The following CERS6 variants were observed in gnomAD, a reference collection of about 807,000 sequenced individuals.
CERS6 encodes ceramide synthase 6.
A neutral mutation model predicts 56.8 loss-of-function variants in CERS6; 26 were observed. The ratio of observed to expected loss-of-function variants is 0.46; its 90% CI spans 0.34 to 0.63. CERS6 has a LOEUF of 0.63. Among genes scored for constraint, CERS6 ranks in the 30% least tolerant of loss-of-function variants. CERS6 has a pLI of 0.01. For missense variants in CERS6, 415 were observed against 467.5 expected (o/e 0.89, Z 1.04); for synonymous variants, 164 against 173.3 (o/e 0.95, Z 0.42).
At chr2:168,739,601 G>A (rs950250831) in intron 8 of CERS6, among the ~76,000 whole-genome samples, 2 of 151,964 alleles carry the variant, frequency 1.3e-5, no homozygotes, top group South Asian at 2.1e-4. Flanking sequence ...GGAGTCTCCC[G>A]CGTTAAATTT....
At chr2:168,663,964 A>G (rs60269051) in intron 4 of CERS6, among the ~76,000 whole-genome samples, 62,721 of 151,522 alleles carry the variant, frequency 0.41, 13,982 homozygotes, top group Non-Finnish European at 0.51. Context: ...TCTCCCAGCA[A>G]CTATATAAAA....
In CERS6 at chr2:168,456,676, A is replaced by T. The variant is rs1453437982; in HGVS notation, c.170+58A>T. ...CCTGCGCACACACACGCGCGCACACACTCGCGCGCTCTCTGGCGCACGCCC... is the reference window on the plus strand; with the variant it reads ...CCTGCGCACACACACGCGCGCACACTCTCGCGCGCTCTCTGGCGCACGCCC... On this transcript the variant is annotated intron_variant, in intron 1 of 9. Transcript: ENST00000305747. The surrounding 1 kb of genome is among the most constrained non-coding windows in gnomAD (Gnocchi z 4.1). The T allele has an allele frequency of 6.6e-7, 1 of 1,514,670 alleles. No homozygotes were observed. The highest frequency in any genetic ancestry group is 9.0e-7 in the Non-Finnish European group (1 of 1,109,692). The allele number at this position is 1,514,670 out of a possible 1,614,324, so 93.8% of individuals were successfully genotyped here. A position where few individuals can be genotyped will look rare whatever the true frequency, so the allele number is the denominator to read the frequency against.
At chr2:168,599,378 G>T (rs1005232975) in intron 3 of CERS6, among the ~76,000 whole-genome samples, 7 of 152,152 alleles carry the variant, frequency 4.6e-5, no homozygotes, top group Non-Finnish European at 1.5e-5. Flanking sequence ...TCTTTTTGAA[G>T]AAGGGCAGTA....
chr2:168,637,575 GAT>G (rs1411275929), intron 4 of CERS6, among the ~76,000 whole-genome samples: 2 of 152,052 alleles, frequency 1.3e-5, no homozygotes, highest in African/African-American at 4.8e-5. Context: ...GGAGGTGATG[GAT>G]ATTCACTAAA....
chr2:168,682,282 A>G (rs1226242795), intron 4 of CERS6, among the ~76,000 whole-genome samples: 11 of 152,210 alleles, frequency 7.2e-5, no homozygotes, highest in Admixed American at 7.2e-4. Context: ...AGCTATGACA[A>G]TATGTAATTT....
intron 3 of CERS6, among the ~76,000 whole-genome samples, chr2:168,576,205 T>TG (rs1359404139): frequency 6.6e-6 from 1 of 152,184 alleles, no homozygotes; most frequent in Non-Finnish European, 1.5e-5. Context: ...GCAGAGTTGA[T>TG]GGTCCCCTCA....
rs191765061 is a variant in CERS6 at position 168,657,636 on chromosome 2, G to A, written c.465+26594G>A. On this transcript the variant is annotated intron_variant, in intron 4 of 9. Coordinates refer to ENST00000305747, the MANE Select transcript of CERS6 (RefSeq NM_203463.3). ...AAATCAAGTGCAGCGCCTGTGGACC[G>A]GCACTGCTGGGGGACTCAGTACACC... is the stretch of plus-strand genomic sequence containing the variant. 8.9e-3 allele frequency among the ~76,000 whole-genome samples: 1,362 copies of A among 152,330 alleles called. 23 individuals carry two copies. The highest frequency in any genetic ancestry group is 0.029 in the African/African-American group (1,192 of 41,582).
At chr2:168,460,947 C>T (rs1693767134) in intron 1 of CERS6, among the ~76,000 whole-genome samples, 1 of 152,026 alleles carries the variant, frequency 6.6e-6, no homozygotes, top group Non-Finnish European at 1.5e-5. Flanking sequence ...TGTCCACTAG[C>T]CTTGGGTGAG....
rs139505193 is a variant in CERS6, at chr2:168,731,795, A to C, written c.845+13817A>C. ...CAATTAGGTGCCCAACCTCAAATTC[A>C]TAACAAACTCCTTGTCTCTTCAGTG... On this transcript the variant is annotated intron_variant, in intron 8 of 9. Transcript: ENST00000305747. Among the ~76,000 whole-genome samples the C allele has an allele frequency of 4.5e-3, 691 of 152,330 alleles. 8 individuals carry two copies. The highest frequency in any genetic ancestry group is 0.027 in the Middle Eastern group (8 of 294).
chr2:168,495,986 C>G lies in CERS6; in HGVS notation c.170+39368C>G, dbSNP rs150062484. On this transcript the variant is annotated intron_variant, in intron 1 of 9. Transcript: ENST00000305747. ...GGGATAACCACTATTTATTTGTGTC[C>G]TTTGCAGTTACAAGCACATGCACAC... is the stretch of plus-strand genomic sequence containing the variant. Among the ~76,000 whole-genome samples the G allele has an allele frequency of 4.4e-3, 668 of 152,330 alleles. 5 individuals carry two copies. The highest frequency in any genetic ancestry group is 6.5e-3 in the Non-Finnish European group (443 of 68,034).
intron 3 of CERS6, among the ~76,000 whole-genome samples, chr2:168,623,438 A>G (rs537349023): frequency 6.6e-6 from 1 of 151,606 alleles, no homozygotes; most frequent in African/African-American, 2.4e-5. Context: ...ACATCATACA[A>G]TTTTCTCTTT....
At chr2:168,621,103 A>T (rs1037142719) in intron 3 of CERS6, among the ~76,000 whole-genome samples, 6 of 152,306 alleles carry the variant, frequency 3.9e-5, no homozygotes, top group African/African-American at 1.4e-4. Flanking sequence ...TTGCAATCAC[A>T]GTATCAGTGC....
chr2:168,687,786 T>A (rs1288653677), intron 4 of CERS6, among the ~76,000 whole-genome samples: 1 of 152,186 alleles, frequency 6.6e-6, no homozygotes, highest in African/African-American at 2.4e-5. Flanking sequence ...ATTGCAGCCT[T>A]GGCCCCCACC....
intron 8 of CERS6, among the ~76,000 whole-genome samples, chr2:168,749,465 A>G (rs1164155870): frequency 6.6e-6 from 1 of 152,158 alleles, no homozygotes; most frequent in African/African-American, 2.4e-5. Context: ...AGGGAGCCAC[A>G]TGCTCACTGA....
At chr2:168,602,184 C>G (rs1189599561) in intron 3 of CERS6, among the ~76,000 whole-genome samples, 2 of 152,126 alleles carry the variant, frequency 1.3e-5, no homozygotes, top group South Asian at 2.1e-4. Flanking sequence ...TTCTCTTTCT[C>G]TCTTTTAGAA....
At chr2:168,687,930 C>A (rs1407464205) in intron 4 of CERS6, among the ~76,000 whole-genome samples, 1 of 152,152 alleles carries the variant, frequency 6.6e-6, no homozygotes, top group Non-Finnish European at 1.5e-5. Context: ...TCTTGAGCTC[C>A]TGGGCTCAAG....
intron 8 of CERS6, among the ~76,000 whole-genome samples, chr2:168,764,138 T>C (rs1226001367): frequency 6.6e-6 from 1 of 152,174 alleles, no homozygotes; most frequent in African/African-American, 2.4e-5. Context: ...CATTGTTCTC[T>C]ATTTTTTTTA....
chr2:168,498,813 G>T (rs1042473868), intron 1 of CERS6, among the ~76,000 whole-genome samples: 2 of 152,142 alleles, frequency 1.3e-5, no homozygotes, highest in African/African-American at 4.8e-5. Context: ...ATATCAGTGG[G>T]GATGTCTTTT....
chr2:168,464,642 CTG>C (rs368220086), intron 1 of CERS6, among the ~76,000 whole-genome samples: 1 of 150,094 alleles, frequency 6.7e-6, no homozygotes, highest in African/African-American at 2.5e-5. Context: ...GGGAGGAAGA[CTG>C]AGGCATCAAG....
Sources: gnomAD v4.1 joint callset for allele counts (sites outside exome capture counted in the v4.1 genomes callset) on GRCh38, gnomAD v4.1.1 for gene constraint, Gnocchi (gnomAD v3.1) non-coding constraint, MANE v1.5 for transcripts, NCBI Gene and HGNC (gene_info 2026-07-23, HGNC 2026-07-21) for gene names.